The following RELT variants were observed in gnomAD, a reference collection of about 807,000 sequenced individuals.
RELT encodes the protein RELT TNF receptor, also known as tumor necrosis factor receptor superfamily member 19L.
In RELT, 37 loss-of-function variants were observed where a neutral mutation model predicts 51.1. The ratio of observed to expected loss-of-function variants is 0.72; its 90% confidence interval spans 0.56 to 0.95. The LOEUF is 0.95. Among genes scored for constraint, RELT ranks in the 40% least tolerant of loss-of-function variants. The probability of loss-of-function intolerance (pLI) is 0.00; values close to 1 mark genes in which losing one functional copy is unlikely to be tolerated. For synonymous variants in RELT, 241 were observed against 235.7 expected (o/e 1.02, Z -0.21); for missense variants, 535 against 572.6 (o/e 0.93, Z 0.67).
intron 6 of RELT, chr11:73,393,432 G>GT: frequency 1.7e-6 from 2 of 1,191,930 alleles, no homozygotes; most frequent in Non-Finnish European, 2.1e-6. Flanking sequence ...ATAGGGCACA[G>GT]TAGAGAGGCC....
intron 1 of RELT, among the ~76,000 whole-genome samples, chr11:73,382,808 C>G (rs1483350390): frequency 1.3e-5 from 2 of 152,150 alleles, no homozygotes; most frequent in African/African-American, 4.8e-5. Flanking sequence ...GGAGCCTCCT[C>G]TCTGCCCGAG....
chr11:73,390,133 A>G (rs1866186863), intron 2 of RELT, among the ~76,000 whole-genome samples: 2 of 152,126 alleles, frequency 1.3e-5, no homozygotes, highest in Non-Finnish European at 2.9e-5. Context: ...GGCTCCAGGG[A>G]TTATAAATGA....
chr11:73,391,780 A>G (rs2134452060), intron 5 of RELT, among the ~76,000 whole-genome samples: 1 of 152,228 alleles, frequency 6.6e-6, no homozygotes, highest in East Asian at 1.9e-4. Context: ...CCTGCCTAAA[A>G]AAACCCATGC....
At chr11:73,389,993 G>A (rs1038848552) in intron 2 of RELT, among the ~76,000 whole-genome samples, 9 of 152,174 alleles carry the variant, frequency 5.9e-5, no homozygotes, top group Non-Finnish European at 7.4e-5. Flanking sequence ...TTTGGGATGC[G>A]TCTCCCTGTT....
In RELT at chr11:73,388,056, C is replaced by T. The variant is rs148840601; in HGVS notation, c.-25-1056C>T. Among the ~76,000 whole-genome samples the T allele has an allele frequency of 1.3e-5, 2 of 152,294 alleles. No individual in the cohort carries two copies. Among genetic ancestry groups the T allele is most frequent in the Non-Finnish European group, 2.9e-5 (2 of 68,012 alleles). ...TGTGAATCCTTTGTCCTGCTGTGTC[C>T]GCCTCGTCCACTGGCCGGAGGCTTC... On this transcript the variant is annotated intron_variant, in intron 1 of 10. Coordinates refer to ENST00000064780, the MANE Select transcript of RELT (RefSeq NM_152222.2). This position sits in a 1 kb window ranked among gnomAD's most constrained non-coding sequence, Gnocchi z 4.1.
intron 1 of RELT, among the ~76,000 whole-genome samples, chr11:73,387,106 G>C (rs1251467277): frequency 1.3e-5 from 2 of 152,048 alleles, no homozygotes; most frequent in Non-Finnish European, 2.9e-5. Flanking sequence ...CACCACACTG[G>C]GCTAATTTTT....
In RELT at chr11:73,376,430, C is replaced by A. The variant is rs1205506896; in HGVS notation, c.-95C>A. On this transcript the variant is annotated 5_prime_UTR_variant, in exon 1 of 11. Coordinates refer to ENST00000064780, the MANE Select transcript of RELT (RefSeq NM_152222.2). ...CGCGCAGGCTGCGCGGCTGTCCGGG[C>A]GCTCGCCGAGCCGGGCCGCGGCGCC... is the stretch of plus-strand genomic sequence containing the variant. 6.6e-6 allele frequency: 1 copy of A among 151,916 alleles called. No individual in the cohort carries two copies. Among genetic ancestry groups the A allele is most frequent in the Non-Finnish European group, 1.5e-5 (1 of 67,938 alleles). The allele number at this position is 151,916 out of a possible 1,614,324, so 9.4% of individuals were successfully genotyped here.
chr11:73,390,444 C>T, intron 2 of RELT, 107 bp from the exon 3 acceptor site: 1 of 1,014,494 alleles, frequency 9.9e-7, no homozygotes, highest in Non-Finnish European at 1.5e-6. Flanking sequence ...GTGGGGTAGT[C>T]AGTGGTCCCT....
rs1866334633 is a variant in RELT at position 73,397,305 on chromosome 11, T to C, written c.*1814T>C. The C allele has an allele frequency of 6.6e-6, 1 of 152,042 alleles. No individual in the cohort carries two copies. The highest frequency in any genetic ancestry group is 1.5e-5 in the Non-Finnish European group (1 of 68,022). 9.4% of individuals were successfully genotyped at this position (152,042 alleles called of 1,614,324 possible). On this transcript the variant is annotated 3_prime_UTR_variant, in exon 11 of 11. Coordinates refer to ENST00000064780, the MANE Select transcript of RELT (RefSeq NM_152222.2). The stretch of plus-strand genomic sequence containing the variant: ...AAGCATTCAGCTCCTGCTTGGCCAG[T>C]GTGGAGAGGAAAGGAGCCACAGGAG...
At chr11:73,384,307 C>T (rs1022444085) in intron 1 of RELT, 1 of 152,252 alleles carries the variant, frequency 6.6e-6, no homozygotes, top group African/African-American at 2.4e-5. Flanking sequence ...CCAGACTCCT[C>T]CAGACTCCTC....
At position 73,396,515 on chromosome 11, in the gene RELT, G is replaced by A. The variant is rs1866321244; in HGVS notation, c.*1024G>A. On this transcript the variant is annotated 3_prime_UTR_variant, in exon 11 of 11. Coordinates refer to ENST00000064780, the MANE Select transcript of RELT (RefSeq NM_152222.2). ...GCTCAGCAACCTGGTTATTTATGTGGGGCCGTGCAGGCATGGGCCCACTGC... is the reference window on the plus strand; with the variant it reads ...GCTCAGCAACCTGGTTATTTATGTGAGGCCGTGCAGGCATGGGCCCACTGC... 1 of 152,292 alleles carries A rather than the reference G, an allele frequency of 6.6e-6. No individual in the cohort carries two copies. Among genetic ancestry groups the A allele is most frequent in the Non-Finnish European group, 1.5e-5 (1 of 68,084 alleles). The allele number at this position is 152,292 out of a possible 1,614,324, so 9.4% of individuals were successfully genotyped here.
chr11:73,397,313 G>A lies in RELT; in HGVS notation c.*1822G>A, dbSNP rs1565226156. On this transcript the variant is annotated 3_prime_UTR_variant, in exon 11 of 11. Transcript: ENST00000064780. ...AGCTCCTGCTTGGCCAGTGTGGAGA[G>A]GAAAGGAGCCACAGGAGCGGGTGCT... 3 of 152,334 alleles carry A rather than the reference G, an allele frequency of 2.0e-5. No homozygotes were observed. In the South Asian group the frequency reaches 6.2e-4, roughly 32 times the overall value. 9.4% of individuals were successfully genotyped at this position (152,334 alleles called of 1,614,324 possible).
rs534132381 is a variant in RELT, at chr11:73,388,782, C to T, written c.-25-330C>T. Among the ~76,000 whole-genome samples, 15 of 152,276 alleles carry T rather than the reference C, an allele frequency of 9.9e-5. No individual in the cohort carries two copies. Among genetic ancestry groups the T allele is most frequent in the South Asian group, 2.1e-4 (1 of 4,828 alleles). On this transcript the variant is annotated intron_variant, in intron 1 of 10. Coordinates refer to ENST00000064780, the MANE Select transcript of RELT (RefSeq NM_152222.2). This position sits in a 1 kb window ranked among gnomAD's most constrained non-coding sequence, Gnocchi z 4.1. ...CATCACGGACACAGGCCGCCACACGCGCTTCCTTCCCCTGCTGATGCCTCG... is the reference window on the plus strand; with the variant it reads ...CATCACGGACACAGGCCGCCACACGTGCTTCCTTCCCCTGCTGATGCCTCG...
chr11:73,376,622 A>C (rs1247846126), intron 1 of RELT, 123 bp downstream of exon 1: 1 of 151,560 alleles, frequency 6.6e-6, no homozygotes, highest in South Asian at 2.1e-4. Context: ...GGCTCGGCGG[A>C]TGCGGCAGCC....
At chr11:73,395,346 C>T in intron 10 of RELT, 61 bp downstream of exon 10, 2 of 1,587,626 alleles carry the variant, frequency 1.3e-6, no homozygotes, top group Admixed American at 3.3e-5. Flanking sequence ...GAAGACGGGG[C>T]AGGGGTGGAA....
intron 6 of RELT, chr11:73,393,227 TG>T: frequency 1.0e-6 from 1 of 1,000,750 alleles, no homozygotes; most frequent in Non-Finnish European, 1.2e-6. Context: ...GGAGGAAACG[TG>T]GTGACTCAGG....
At chr11:73,386,098 G>A (rs1411751681) in intron 1 of RELT, among the ~76,000 whole-genome samples, 1 of 152,230 alleles carries the variant, frequency 6.6e-6, no homozygotes, top group Non-Finnish European at 1.5e-5. Context: ...CCCCATCTCT[G>A]TAGATGAGAA....
intron 6 of RELT, chr11:73,393,102 C>T: frequency 2.0e-6 from 2 of 996,504 alleles, no homozygotes; most frequent in Non-Finnish European, 2.4e-6. Context: ...GAAATGGCAT[C>T]TCCCATGCTA....
chr11:73,390,468 C>T, intron 2 of RELT, 83 bp from the exon 3 acceptor site: 1 of 1,328,724 alleles, frequency 7.5e-7, no homozygotes, highest in Non-Finnish European at 1.1e-6. Context: ...ACTGGGGTTT[C>T]AGGAAATAGG....
Sources: allele counts gnomAD v4.1 joint callset (sites outside exome capture counted in the v4.1 genomes callset), GRCh38; gene constraint gnomAD v4.1.1; non-coding constraint Gnocchi (gnomAD v3.1); transcripts MANE v1.5; gene names NCBI Gene and HGNC (gene_info 2026-07-23, HGNC 2026-07-21).